The following NUP210L variants were observed in gnomAD, a reference collection of about 807,000 sequenced individuals.
NUP210L encodes the protein nucleoporin 210 like.
NUP210L carries 74 observed loss-of-function variants against 208.5 expected under a neutral mutation model. That is an observed-to-expected ratio of 0.35 (90% CI 0.29 to 0.43). The LOEUF (loss-of-function observed/expected upper bound fraction) is 0.43, where lower values mean the gene tolerates loss of function less well. Ranked by LOEUF, NUP210L falls within the 20% of genes least tolerant of loss-of-function variation. The pLI, the probability that NUP210L is intolerant of heterozygous loss-of-function variation, is 1.00. For missense variants in NUP210L, 1,843 were observed against 2,289.4 expected (o/e 0.81, Z 3.98); for synonymous variants, 780 against 816.9 (o/e 0.95, Z 0.77).
intron 1 of NUP210L, 57 bp downstream of exon 1, chr1:154,154,785 C>A: frequency 7.1e-7 from 1 of 1,401,014 alleles, no homozygotes. Flanking sequence ...GGGAACCCCC[C>A]TCACCCTTAC....
chr1:154,024,273 C>T (rs1377992699), intron 30 of NUP210L, among the ~76,000 whole-genome samples: 20 of 152,116 alleles, frequency 1.3e-4, no homozygotes, highest in Admixed American at 1.2e-3. Flanking sequence ...AAGTGAAGCC[C>T]GCGTTTGAAT....
chr1:154,090,928 T>C (rs1655871890), intron 15 of NUP210L, among the ~76,000 whole-genome samples: 1 of 151,776 alleles, frequency 6.6e-6, no homozygotes, highest in Non-Finnish European at 1.5e-5. Context: ...TGGAAAATAG[T>C]ATGGTGGTTC....
chr1:154,023,052 G>A (rs1430406783), intron 31 of NUP210L, 70 bp downstream of exon 31: 1 of 1,349,800 alleles, frequency 7.4e-7, no homozygotes, highest in Non-Finnish European at 1.0e-6. Flanking sequence ...TACTGGAGCT[G>A]CTATATAATA....
intron 12 of NUP210L, chr1:154,104,471 C>T: frequency 2.4e-6 from 1 of 412,590 alleles, no homozygotes; most frequent in Non-Finnish European, 4.5e-6. Context: ...AACATCACCT[C>T]TCTTCCTTTC....
At chr1:154,032,173 AGATACCTCCTT>A (rs1426458858) in intron 27 of NUP210L, among the ~76,000 whole-genome samples, 3 of 152,220 alleles carry the variant, frequency 2.0e-5, no homozygotes, top group African/African-American at 7.2e-5. Flanking sequence ...ATGAGAGAGC[AGATACCTCCTT>A]GATATAATGA....
At chr1:154,103,439 G>C (rs1445520557) in intron 13 of NUP210L, among the ~76,000 whole-genome samples, 14 of 151,124 alleles carry the variant, frequency 9.3e-5, no homozygotes, top group Admixed American at 6.6e-4. Context: ...TTGGGAGGCC[G>C]AGGCGGGCGG....
intron 7 of NUP210L, among the ~76,000 whole-genome samples, chr1:154,134,398 T>C (rs1307955505): frequency 6.6e-6 from 1 of 150,858 alleles, no homozygotes; most frequent in Non-Finnish European, 1.5e-5. Flanking sequence ...TCTGTTTTCA[T>C]TGACTATTAC....
chr1:154,128,101 G>T (rs544329241), intron 8 of NUP210L, among the ~76,000 whole-genome samples: 55 of 148,572 alleles, frequency 3.7e-4, no homozygotes, highest in African/African-American at 1.2e-3. Context: ...TCAGCTCAAG[G>T]GATGTACCAG....
rs556241828 is a variant in NUP210L, at chr1:154,093,194, C to T, written c.2187+1741G>A. On this transcript the variant is annotated intron_variant, in intron 15 of 39. Coordinates refer to ENST00000368559, the Ensembl canonical transcript of NUP210L. ...CTGTAATCCCAGCACTTTGGGAGGC[C>T]GAGGTGGGCAGATCACCTGAGGTCA... Among the ~76,000 whole-genome samples the T allele has an allele frequency of 4.6e-5, 7 of 152,068 alleles. 1 individual carries two copies. The highest frequency in any genetic ancestry group is 1.7e-4 in the African/African-American group (7 of 41,476).
chr1:153,993,203 AAT>A (rs1649579005), intron 38 of NUP210L, 114 bp from the exon 39 acceptor site: 2 of 654,532 alleles, frequency 3.1e-6, no homozygotes, highest in East Asian at 5.9e-5. Context: ...AAGTAATAGT[AAT>A]GGCACTATTA....
chr1:154,057,687 C>T (rs966079015), intron 22 of NUP210L, among the ~76,000 whole-genome samples: 5 of 105,392 alleles, frequency 4.7e-5, no homozygotes, highest in Admixed American at 1.1e-4. Flanking sequence ...CTGAGGACCT[C>T]GAATGTGTGT....
intron 16 of NUP210L, among the ~76,000 whole-genome samples, chr1:154,087,458 T>C (rs781712948): frequency 5.3e-5 from 8 of 152,112 alleles, no homozygotes; most frequent in Non-Finnish European, 1.0e-4. Context: ...GGCAAGGATA[T>C]GGAGAACCTG....
At chr1:153,996,146 G>T (rs960940948) in intron 37 of NUP210L, among the ~76,000 whole-genome samples, 5 of 151,976 alleles carry the variant, frequency 3.3e-5, no homozygotes, top group Non-Finnish European at 5.9e-5. Context: ...GAAAAAATTA[G>T]CTGGGTGTGG....
intron 27 of NUP210L, among the ~76,000 whole-genome samples, chr1:154,044,648 T>G (rs1035553343): frequency 2.6e-5 from 4 of 152,176 alleles, no homozygotes; most frequent in Non-Finnish European, 5.9e-5. Flanking sequence ...TGCCGAAATA[T>G]CCTCGTAATT....
At chr1:154,139,209 G>T in intron 5 of NUP210L, among the ~76,000 whole-genome samples, 1 of 151,900 alleles carries the variant, frequency 6.6e-6, no homozygotes, top group East Asian at 1.9e-4. Context: ...CCCCAAAAAA[G>T]GAAGAAATTA....
At chr1:154,076,290 G>C (rs1190217780) in intron 16 of NUP210L, among the ~76,000 whole-genome samples, 1 of 151,542 alleles carries the variant, frequency 6.6e-6, no homozygotes, top group Non-Finnish European at 1.5e-5. Flanking sequence ...TTTTAGTAGA[G>C]ACAGGGTTTC....
intron 27 of NUP210L, among the ~76,000 whole-genome samples, chr1:154,033,022 AGAAG>A (rs929224363): frequency 9.9e-4 from 150 of 151,774 alleles, no homozygotes; most frequent in African/African-American, 2.4e-3. Flanking sequence ...AGAAAGAAAA[AGAAG>A]GAAGGAAGGA....
chr1:154,005,914 G>A (rs1355932455), intron 35 of NUP210L, among the ~76,000 whole-genome samples: 1 of 151,884 alleles, frequency 6.6e-6, no homozygotes, highest in Non-Finnish European at 1.5e-5. Context: ...GTAGAGACGG[G>A]TTTCTCCACA....
chr1:154,061,171 A>G, intron 18 of NUP210L, 125 bp from the exon 19 acceptor site: 1 of 613,338 alleles, frequency 1.6e-6, no homozygotes, highest in South Asian at 2.0e-5. Flanking sequence ...TGAGGCCAGG[A>G]GTTTGAGACC....
Sources: allele counts gnomAD v4.1 joint callset (sites outside exome capture counted in the v4.1 genomes callset), GRCh38; gene constraint gnomAD v4.1.1; transcripts MANE v1.5; gene names NCBI Gene and HGNC (gene_info 2026-07-23, HGNC 2026-07-21).